Variants in TVP23A observed in about 807,000 individuals in gnomAD.
TVP23A encodes Golgi apparatus membrane protein TVP23 homolog A.
TVP23A carries 21 observed loss-of-function variants against 31.7 expected under a neutral mutation model. The ratio of observed to expected loss-of-function variants is 0.66; its 90% CI spans 0.47 to 0.95. The LOEUF (loss-of-function observed/expected upper bound fraction) is 0.95. TVP23A is among the 40% of genes least tolerant of loss of function. TVP23A has a pLI of 0.00. For missense variants in TVP23A, 279 were observed against 255.6 expected (o/e 1.09, Z -0.62); for synonymous variants, 104 against 96.0 (o/e 1.08, Z -0.49).
chr16:10,789,154 G>A lies in TVP23A; in HGVS notation c.90-14058C>T, dbSNP rs11646961. Among the ~76,000 whole-genome samples, 1,154 of 152,262 alleles carry A rather than the reference G, an allele frequency of 7.6e-3. 8 individuals are homozygous for A. Among genetic ancestry groups the A allele is most frequent in the Non-Finnish European group, 0.012 (820 of 68,020 alleles). On this transcript the variant is annotated intron_variant, in intron 2 of 7. Transcript: ENST00000299866. ...AGAGCAAGGTTTTTATATCACAGATGATGCCCTCCTGGTAGCCAGCTTCAG... is the reference window on the plus strand; with the variant it reads ...AGAGCAAGGTTTTTATATCACAGATAATGCCCTCCTGGTAGCCAGCTTCAG...
At chr16:10,771,379 A>G (rs2031607788) in intron 6 of TVP23A, among the ~76,000 whole-genome samples, 1 of 150,438 alleles carries the variant, frequency 6.6e-6, no homozygotes, top group Admixed American at 6.6e-5. Flanking sequence ...CGTCTCTACA[A>G]AAAAAAAAGG....
chr16:10,783,537 G>C (rs1007802110), intron 2 of TVP23A, among the ~76,000 whole-genome samples: 2 of 152,116 alleles, frequency 1.3e-5, no homozygotes, highest in African/African-American at 4.8e-5. Flanking sequence ...TTAGCCGGGC[G>C]TGGTGGCGCG....
In TVP23A at chr16:10,818,425, G is replaced by A; in HGVS notation, c.9+60C>T. On this transcript the variant is annotated intron_variant, in intron 1 of 7. Coordinates refer to ENST00000299866, the MANE Select transcript of TVP23A (RefSeq NM_001079512.4). This position sits in a 1 kb window ranked among gnomAD's most constrained non-coding sequence, Gnocchi z 4.7. ...TCCTCCTCCTCCCGGCTTCTCCAGC[G>A]CTCCCGCAGGCTCCCCTCGTCCCGC... 1 of 1,582,094 alleles carries A rather than the reference G, an allele frequency of 6.3e-7. No individual in the cohort carries two copies.
intron 2 of TVP23A, among the ~76,000 whole-genome samples, chr16:10,804,347 C>A (rs1461380752): frequency 6.6e-6 from 1 of 152,172 alleles, no homozygotes; most frequent in East Asian, 1.9e-4. Flanking sequence ...CTCACAGGGC[C>A]GGGCAAAGCT....
intron 2 of TVP23A, among the ~76,000 whole-genome samples, chr16:10,784,996 C>T (rs1459051460): frequency 1.3e-5 from 2 of 151,462 alleles, no homozygotes; most frequent in African/African-American, 4.9e-5. Context: ...ACCTGGGAAA[C>T]TGAGGCAGGA....
chr16:10,786,979 G>A (rs75162280), intron 2 of TVP23A, among the ~76,000 whole-genome samples: 1,603 of 151,990 alleles, frequency 0.011, 28 homozygotes, highest in African/African-American at 0.03. Context: ...ATTGAGTAAT[G>A]GACTGTTACA....
chr16:10,775,355 A>G, intron 2 of TVP23A: 1 of 1,292,950 alleles, frequency 7.7e-7, no homozygotes. Context: ...GACTCCAAAT[A>G]TCACTTGCCC....
Position 10,818,110 on chromosome 16 carries a change from T to G in TVP23A, c.82A>C (p.Lys28Gln), listed in dbSNP as rs1242084943. The change falls in exon 2 of 8, where the codon AAG (lysine) becomes CAG (glutamine). Residue 28 changes from lysine to glutamine, a missense_variant. Coordinates refer to ENST00000299866, the MANE Select transcript of TVP23A (RefSeq NM_001079512.4). The surrounding 1 kb of genome is among the most constrained non-coding windows in gnomAD (Gnocchi z 4.7). ...AGCTCCATCCCAACACACCTGATCT[T>G]GGCTTTCCTAAAGGCCAGCTCCTCC... ...NEEELAFRKA[K>Q]IRHPLATFFH... 4 of 1,608,160 alleles carry G rather than the reference T, an allele frequency of 2.5e-6. No individual in the cohort carries two copies. Among genetic ancestry groups the G allele is most frequent in the Non-Finnish European group, 3.4e-6 (4 of 1,177,512 alleles).
intron 2 of TVP23A, among the ~76,000 whole-genome samples, chr16:10,786,659 T>C (rs2032769767): frequency 6.6e-6 from 1 of 151,528 alleles, no homozygotes; most frequent in Admixed American, 6.6e-5. Context: ...AAAAATAACC[T>C]GAGTGTGCGG....
At chr16:10,760,115 T>G (rs1900839128), downstream of TVP23A, among the ~76,000 whole-genome samples, 2 of 152,240 alleles carry the variant, frequency 1.3e-5, no homozygotes, top group Non-Finnish European at 2.9e-5. Context: ...GTTGTCCACA[T>G]TGGGCAGTAT....
chr16:10,789,881 G>A (rs1051852779), intron 2 of TVP23A, among the ~76,000 whole-genome samples: 29 of 151,940 alleles, frequency 1.9e-4, no homozygotes, highest in South Asian at 2.1e-4. Flanking sequence ...TCAGAAAGGC[G>A]GGACAACTCA....
At chr16:10,773,563 G>T in intron 4 of TVP23A, 122 bp from the exon 5 acceptor site, 2 of 1,263,762 alleles carry the variant, frequency 1.6e-6, no homozygotes, top group Admixed American at 2.7e-5. Flanking sequence ...TTTGTTGTTG[G>T]TGTTGTTTTG....
At position 10,779,115 on chromosome 16, in the gene TVP23A, GA is replaced by G. The variant is rs1392498966; in HGVS notation, c.90-4020del. On this transcript the variant is annotated intron_variant, in intron 2 of 7. Coordinates refer to ENST00000299866, the MANE Select transcript of TVP23A (RefSeq NM_001079512.4). This position sits in a 1 kb window ranked among gnomAD's most constrained non-coding sequence, Gnocchi z 4.9. Reference sequence around the variant, plus strand: ...TGTGGCTCTCCTAAAATAAAATGCAGAAAAATTTCCAGTTGTTGATAGCTTC... The same window carrying G: ...TGTGGCTCTCCTAAAATAAAATGCAGAAAATTTCCAGTTGTTGATAGCTTC... 6.6e-6 allele frequency among the ~76,000 whole-genome samples: 1 copy of G among 152,094 alleles called. No homozygotes were observed. The highest frequency in any genetic ancestry group is 1.5e-5 in the Non-Finnish European group (1 of 68,002).
At chr16:10,805,806 T>C (rs1045391200) in intron 2 of TVP23A, among the ~76,000 whole-genome samples, 5 of 152,098 alleles carry the variant, frequency 3.3e-5, no homozygotes, top group Non-Finnish European at 5.9e-5. Context: ...CCTAGAACTG[T>C]GCTTGGCACA....
At chr16:10,805,079 C>T (rs2033881889) in intron 2 of TVP23A, among the ~76,000 whole-genome samples, 1 of 152,020 alleles carries the variant, frequency 6.6e-6, no homozygotes. Context: ...GCTCTGTCGC[C>T]CAGGCTGGAG....
intron 2 of TVP23A, among the ~76,000 whole-genome samples, chr16:10,775,960 G>A (rs947998943): frequency 6.6e-6 from 1 of 151,306 alleles, no homozygotes; most frequent in South Asian, 2.1e-4. Context: ...TGTTGGCCAG[G>A]CTGGTTTCGA....
At chr16:10,758,117 C>A, downstream of TVP23A, 3 of 1,439,536 alleles carry the variant, frequency 2.1e-6, no homozygotes, top group East Asian at 2.3e-5. Flanking sequence ...CTGGTCTCAC[C>A]AAGGCTCTTC....
chr16:10,818,182 C>T lies in TVP23A; in HGVS notation c.10G>A (p.Ala4Thr), dbSNP rs1479535532. ...ACATCCTCGGTATCGTCCACCAGGG[C>T]CTGGGAGGAGAGCAAGGGCAGGTGG... MKQ[A>T]LVDDTEDVSL... The change falls in exon 2 of 8, where the codon GCC (alanine) becomes ACC (threonine). Residue 4 changes from alanine to threonine, a missense_variant and splice_region_variant. By Grantham distance (58) the Ala-to-Thr change is moderately conservative. Coordinates refer to ENST00000299866, the MANE Select transcript of TVP23A (RefSeq NM_001079512.4). The surrounding 1 kb of genome is among the most constrained non-coding windows in gnomAD (Gnocchi z 4.7). 4 of 1,603,390 alleles carry T rather than the reference C, an allele frequency of 2.5e-6. No individual in the cohort carries two copies. The African/African-American group carries it at 4.0e-5, about 16-fold the overall frequency.
downstream of TVP23A, among the ~76,000 whole-genome samples, chr16:10,758,336 G>C (rs1900711454): frequency 6.6e-6 from 1 of 152,082 alleles, no homozygotes; most frequent in Non-Finnish European, 1.5e-5. Context: ...AGCCAGGCAT[G>C]GTGGCTCGCG....
Sources: gnomAD v4.1 joint callset for allele counts (sites outside exome capture counted in the v4.1 genomes callset) on GRCh38, gnomAD v4.1.1 for gene constraint, Gnocchi (gnomAD v3.1) non-coding constraint, MANE v1.5 for transcripts, NCBI Gene and HGNC (gene_info 2026-07-23, HGNC 2026-07-21) for gene names.